The following SCAI variants were observed in gnomAD, a reference collection of about 807,000 sequenced individuals.
SCAI encodes the protein suppressor of cancer cell invasion.
Under a neutral mutation model 92.2 loss-of-function variants are expected in SCAI, and 24 were observed. That is an observed-to-expected ratio of 0.26 (90% CI 0.19 to 0.37). The LOEUF (loss-of-function observed/expected upper bound fraction) is 0.37, where lower values mean the gene tolerates loss of function less well. Among genes scored for constraint, SCAI ranks in the 10% least tolerant of loss-of-function variants. The probability of loss-of-function intolerance (pLI) is 1.00; values close to 1 mark genes in which losing one functional copy is unlikely to be tolerated. For missense variants in SCAI, 450 were observed against 736.2 expected, an observed-to-expected ratio of 0.61 and a Z score of 4.50; for synonymous variants, 261 against 258.6, an observed-to-expected ratio of 1.01 and a Z score of -0.09.
At position 124,995,012 on chromosome 9, in the gene SCAI, A is replaced by G; in HGVS notation, c.1248T>C (p.Leu416=). The G allele has an allele frequency of 6.2e-7, 1 of 1,608,644 alleles. No individual in the cohort carries two copies. The highest frequency in any genetic ancestry group is 8.5e-7 in the Non-Finnish European group (1 of 1,176,996). The change falls in exon 14 of 18, where the codon CTT becomes CTC. Residue 416 remains leucine (L), a synonymous_variant. Coordinates refer to ENST00000336505, the MANE Select transcript of SCAI (RefSeq NM_001144877.3). ...RNQSHKEMHC[L]HPGDLYPFTR... ...TGAAAGGATAGAGATCCCCGGGATGAAGGCTGGGAAAACAACAACGAAGAA... is the reference window on the plus strand; with the variant it reads ...TGAAAGGATAGAGATCCCCGGGATGGAGGCTGGGAAAACAACAACGAAGAA...
intron 2 of SCAI, among the ~76,000 whole-genome samples, chr9:125,110,920 AG>A (rs1029781241): frequency 1.3e-5 from 2 of 152,202 alleles, no homozygotes; most frequent in African/African-American, 4.8e-5. Context: ...CTTCCTGAAC[AG>A]CCTGTGGAAC....
At chr9:125,111,900 T>C (rs575180700) in intron 2 of SCAI, among the ~76,000 whole-genome samples, 34 of 152,154 alleles carry the variant, frequency 2.2e-4, no homozygotes, top group African/African-American at 6.7e-4. Context: ...CAGAATGCTG[T>C]AGAGGAGAAA....
chr9:125,128,800 C>A (rs1274142322), intron 2 of SCAI, among the ~76,000 whole-genome samples: 2 of 151,748 alleles, frequency 1.3e-5, no homozygotes, highest in East Asian at 1.9e-4. Context: ...CAGTGGCTCA[C>A]GCCTGTAATC....
At chr9:125,107,149 G>A (rs1194660381) in intron 2 of SCAI, among the ~76,000 whole-genome samples, 2 of 152,072 alleles carry the variant, frequency 1.3e-5, no homozygotes, top group Non-Finnish European at 2.9e-5. Context: ...AGTGACTCAC[G>A]CCTGTAATCC....
At chr9:124,976,313 T>C in intron 14 of SCAI, 127 bp from the exon 15 acceptor site, 1 of 656,024 alleles carries the variant, frequency 1.5e-6, no homozygotes, top group Non-Finnish European at 2.7e-6. Context: ...TGCAGAAACA[T>C]CAGCAACAGC....
At chr9:124,975,984 C>T (rs1217058774) in intron 15 of SCAI, 130 bp downstream of exon 15, 3 of 589,520 alleles carry the variant, frequency 5.1e-6, no homozygotes, top group Non-Finnish European at 9.2e-6. Context: ...CAGAGCGACA[C>T]CTGCCATATT....
chr9:124,970,197 C>T (rs1021376992), intron 17 of SCAI, among the ~76,000 whole-genome samples: 18 of 152,056 alleles, frequency 1.2e-4, no homozygotes, highest in African/African-American at 4.1e-4. Context: ...ACCCAAATGT[C>T]CATTATCAGA....
chr9:125,124,682 T>C (rs1835224933), intron 2 of SCAI, among the ~76,000 whole-genome samples: 1 of 152,170 alleles, frequency 6.6e-6, no homozygotes, highest in African/African-American at 2.4e-5. Flanking sequence ...AGAAACATCC[T>C]CACAGACACA....
chr9:124,970,824 A>G (rs1208740410), intron 17 of SCAI, among the ~76,000 whole-genome samples: 1 of 151,920 alleles, frequency 6.6e-6, no homozygotes, highest in Non-Finnish European at 1.5e-5. Flanking sequence ...TATTTTTTTT[A>G]ATTTTTTGAG....
At chr9:125,072,738 G>A (rs973783678) in intron 2 of SCAI, among the ~76,000 whole-genome samples, 4 of 152,036 alleles carry the variant, frequency 2.6e-5, no homozygotes, top group Admixed American at 1.3e-4. Context: ...ACTTTCTGTC[G>A]ATAGGTTTGA....
intron 2 of SCAI, among the ~76,000 whole-genome samples, chr9:125,114,402 T>C: frequency 6.6e-6 from 1 of 151,462 alleles, no homozygotes; most frequent in African/African-American, 2.4e-5. Context: ...GTTTTTTCCT[T>C]AAAAAAAAAT....
chr9:125,098,385 CAA>C (rs1335718229), intron 2 of SCAI, among the ~76,000 whole-genome samples: 2 of 152,008 alleles, frequency 1.3e-5, no homozygotes, highest in African/African-American at 4.8e-5. Context: ...GAAAATATAA[CAA>C]TGTTATCTCT....
At chr9:125,106,122 A>AAAAAAAAAAAGT (rs1554791724) in intron 2 of SCAI, among the ~76,000 whole-genome samples, 1 of 8,858 alleles carries the variant, frequency 1.1e-4, no homozygotes, top group African/African-American at 2.3e-4. Flanking sequence ...AAAAAAAAAA[A>AAAAAAAAAAAGT]ATATATATAT....
intron 2 of SCAI, among the ~76,000 whole-genome samples, chr9:125,077,835 C>T (rs927388991): frequency 6.6e-6 from 1 of 152,114 alleles, no homozygotes; most frequent in African/African-American, 2.4e-5. Context: ...TCTCGTGCCT[C>T]GGCCTCCCAA....
rs1288000402 is a variant in SCAI at position 125,084,162 on chromosome 9, T to TC, written c.99-28156_99-28155insG. Among the ~76,000 whole-genome samples, 51 of 69,158 alleles carry TC rather than the reference T, an allele frequency of 7.4e-4. 1 individual carries two copies. In the South Asian group the frequency reaches 0.026, roughly 35 times the overall value. The allele number at this position is 69,158 out of a possible 152,430, so 45.4% of individuals were successfully genotyped here. On this transcript the variant is annotated intron_variant, in intron 2 of 17. Coordinates refer to ENST00000336505, the MANE Select transcript of SCAI (RefSeq NM_001144877.3). ...GAACAGGACTCTTGGCTGCTGCTTT[T>TC]TTTTTTTTTTTTTTTTTTTTTTTTT...
rs1175691372 is a variant in SCAI, at chr9:124,947,695, T to A, written c.*5112A>T. On this transcript the variant is annotated 3_prime_UTR_variant, in exon 18 of 18. Transcript: ENST00000336505. ...GATTGCATGTAGCATCACAAAAATA[T>A]ACATATGCCATTACAAATAAAATAA... 1 of 152,156 alleles carries A rather than the reference T, an allele frequency of 6.6e-6. No homozygotes were observed. The highest frequency in any genetic ancestry group is 1.5e-5 in the Non-Finnish European group (1 of 68,022). The allele number at this position is 152,156 out of a possible 1,614,324, so 9.4% of individuals were successfully genotyped here.
chr9:124,980,368 C>A (rs976178263), intron 14 of SCAI, among the ~76,000 whole-genome samples: 2 of 151,956 alleles, frequency 1.3e-5, no homozygotes, highest in Admixed American at 1.3e-4. Context: ...GCAAGCCAGA[C>A]TGCCATCCTT....
chr9:125,075,440 A>T (rs1421186526), intron 2 of SCAI, among the ~76,000 whole-genome samples: 1 of 150,698 alleles, frequency 6.6e-6, no homozygotes, highest in African/African-American at 2.4e-5. Context: ...ACAGCTTCTC[A>T]CTTACTCTGT....
At chr9:125,085,636 C>G (rs1281252842) in intron 2 of SCAI, among the ~76,000 whole-genome samples, 5 of 152,174 alleles carry the variant, frequency 3.3e-5, no homozygotes, top group African/African-American at 1.2e-4. Context: ...AAAAACTTAG[C>G]CAGGTGTTGT....
Sources: allele counts gnomAD v4.1 joint callset (sites outside exome capture counted in the v4.1 genomes callset), GRCh38; gene constraint gnomAD v4.1.1; transcripts MANE v1.5; gene names NCBI Gene and HGNC (gene_info 2026-07-23, HGNC 2026-07-21).